The following GNG7 variants were observed in gnomAD, a reference collection of about 807,000 sequenced individuals.
The protein encoded by GNG7 is guanine nucleotide-binding protein G(I)/G(S)/G(O) subunit gamma-7.
Under a neutral mutation model 4.0 loss-of-function variants are expected in GNG7, and 1 was observed. The observed-to-expected ratio is 0.25, with a 90% confidence interval of 0.09 to 1.18. The LOEUF (loss-of-function observed/expected upper bound fraction) is 1.18, where lower values mean the gene tolerates loss of function less well. Among genes scored for constraint, GNG7 ranks in the 50% most tolerant of loss-of-function variants. The probability of loss-of-function intolerance (pLI) is 0.50; values close to 1 mark genes in which losing one functional copy is unlikely to be tolerated. For synonymous variants in GNG7, 34 were observed against 36.9 expected, an observed-to-expected ratio of 0.92 and a Z score of 0.29; for missense variants, 86 against 91.9, an observed-to-expected ratio of 0.94 and a Z score of 0.26.
At chr19:2,568,845 AATACACACAAAT>A (rs1417104430) in intron 2 of GNG7, among the ~76,000 whole-genome samples, 2 of 151,964 alleles carry the variant, frequency 1.3e-5, no homozygotes, top group East Asian at 3.9e-4. Flanking sequence ...CACATATGCA[AATACACACAAAT>A]ATACACACAA....
intron 1 of GNG7, among the ~76,000 whole-genome samples, chr19:2,689,259 A>G (rs1362887435): frequency 6.6e-6 from 1 of 151,850 alleles, no homozygotes; most frequent in Non-Finnish European, 1.5e-5. Context: ...TATAGGGGAA[A>G]AAAAATAATT....
intron 2 of GNG7, among the ~76,000 whole-genome samples, chr19:2,620,766 G>A (rs945715429): frequency 7.9e-5 from 12 of 152,034 alleles, no homozygotes; most frequent in African/African-American, 2.2e-4. Flanking sequence ...GCTTGAACCC[G>A]GGAAGTGGAG....
chr19:2,682,295 G>A (rs1331969559), intron 1 of GNG7, among the ~76,000 whole-genome samples: 1 of 152,128 alleles, frequency 6.6e-6, no homozygotes, highest in East Asian at 1.9e-4. Context: ...GGAAAAATGT[G>A]CAAGGAAACG....
intron 1 of GNG7, among the ~76,000 whole-genome samples, chr19:2,670,714 A>G (rs11878249): frequency 0.02 from 3,073 of 152,202 alleles, 113 homozygotes; most frequent in African/African-American, 0.07. Flanking sequence ...ACTGAGCAGC[A>G]TCCCTGGCCT....
chr19:2,623,550 T>C (rs1568265978), intron 2 of GNG7, among the ~76,000 whole-genome samples: 1 of 152,178 alleles, frequency 6.6e-6, no homozygotes, highest in Non-Finnish European at 1.5e-5. Context: ...CGGATGCACC[T>C]TGAGGACGTC....
At chr19:2,640,266 AGAGG>A (rs1982471430) in intron 2 of GNG7, among the ~76,000 whole-genome samples, 1 of 151,822 alleles carries the variant, frequency 6.6e-6, no homozygotes, top group Non-Finnish European at 1.5e-5. Context: ...AAGGAGAGAG[AGAGG>A]AAGAGAGAAA....
intron 2 of GNG7, among the ~76,000 whole-genome samples, chr19:2,615,960 C>A (rs966878966): frequency 6.6e-6 from 1 of 152,208 alleles, no homozygotes; most frequent in Non-Finnish European, 1.5e-5. Flanking sequence ...CAAATCCTTA[C>A]GGGCCACCCC....
chr19:2,601,112 G>A (rs548111660), intron 2 of GNG7, among the ~76,000 whole-genome samples: 2 of 152,100 alleles, frequency 1.3e-5, no homozygotes, highest in East Asian at 3.9e-4. Context: ...TCCAGCCTGG[G>A]TGACAAGGAG....
At chr19:2,571,230 C>T (rs554373386) in intron 2 of GNG7, among the ~76,000 whole-genome samples, 1 of 152,306 alleles carries the variant, frequency 6.6e-6, no homozygotes, top group African/African-American at 2.4e-5. Context: ...ATGGGGGCCT[C>T]TCCAGCACAG....
intron 3 of GNG7, among the ~76,000 whole-genome samples, chr19:2,545,757 C>G (rs937373081): frequency 1.7e-4 from 26 of 151,296 alleles, no homozygotes; most frequent in African/African-American, 6.1e-4. Context: ...AGTTTGAGAC[C>G]AGCCTGGCCA....
chr19:2,665,150 G>A (rs559078380), intron 1 of GNG7, among the ~76,000 whole-genome samples: 14 of 152,316 alleles, frequency 9.2e-5, no homozygotes, highest in African/African-American at 3.4e-4. Context: ...CTGGTGAGCA[G>A]GAAGCAGACT....
chr19:2,562,690 G>C (rs920035612), intron 2 of GNG7, among the ~76,000 whole-genome samples: 1 of 152,144 alleles, frequency 6.6e-6, no homozygotes, highest in African/African-American at 2.4e-5. Context: ...CCTGGTCAGG[G>C]GGGACAGGAT....
chr19:2,576,431 C>G (rs113587400), intron 2 of GNG7, among the ~76,000 whole-genome samples: 2 of 152,204 alleles, frequency 1.3e-5, no homozygotes, highest in African/African-American at 4.8e-5. Context: ...GAGGACAGGG[C>G]GGGCCGCGGC....
chr19:2,556,713 G>T (rs960560966), intron 2 of GNG7, among the ~76,000 whole-genome samples: 1 of 152,168 alleles, frequency 6.6e-6, no homozygotes, highest in Non-Finnish European at 1.5e-5. Flanking sequence ...GGTCTCAGCT[G>T]CAGGAAGGCG....
At chr19:2,579,516 C>G (rs1322505612) in intron 2 of GNG7, among the ~76,000 whole-genome samples, 1 of 152,238 alleles carries the variant, frequency 6.6e-6, no homozygotes, top group Admixed American at 6.5e-5. Flanking sequence ...GCCCTGGAGG[C>G]TGGGAATCCT....
chr19:2,677,899 C>T (rs2144895765), intron 1 of GNG7, among the ~76,000 whole-genome samples: 1 of 152,292 alleles, frequency 6.6e-6, no homozygotes, highest in Admixed American at 6.5e-5. Flanking sequence ...AACGATCTGG[C>T]CCCAAGGTCC....
intron 3 of GNG7, among the ~76,000 whole-genome samples, chr19:2,544,660 G>A (rs1162109693): frequency 6.6e-6 from 1 of 152,186 alleles, no homozygotes; most frequent in Non-Finnish European, 1.5e-5. Flanking sequence ...CAAAGTGCTG[G>A]GATTTTAGGC....
intron 1 of GNG7, among the ~76,000 whole-genome samples, chr19:2,686,410 G>A (rs1270201936): frequency 2.6e-5 from 4 of 152,176 alleles, no homozygotes; most frequent in South Asian, 4.2e-4. Context: ...CACCCACCTC[G>A]GCCTCCCAAA....
At chr19:2,604,439 C>G (rs1981310857) in intron 2 of GNG7, among the ~76,000 whole-genome samples, 2 of 145,210 alleles carry the variant, frequency 1.4e-5, no homozygotes, top group Admixed American at 6.8e-5. Context: ...CCACTGCACT[C>G]CAGCCTGGGC....
Sources: allele counts gnomAD v4.1 joint callset (sites outside exome capture counted in the v4.1 genomes callset), GRCh38; gene constraint gnomAD v4.1.1; transcripts MANE v1.5; gene names NCBI Gene and HGNC (gene_info 2026-07-23, HGNC 2026-07-21).